GHR: variants seen among roughly 807,000 people sequenced by gnomAD.
GHR encodes the protein GH receptor.
A neutral mutation model predicts 67.1 loss-of-function variants in GHR; 35 were observed. The observed-to-expected ratio is 0.52, with a 90% confidence interval of 0.40 to 0.69. The LOEUF (loss-of-function observed/expected upper bound fraction) is 0.69. Ranked by LOEUF, GHR falls within the 30% of genes least tolerant of loss-of-function variation. The pLI is 0.00. For missense variants in GHR, 792 were observed against 764.6 expected, an observed-to-expected ratio of 1.04 and a Z score of -0.42; for synonymous variants, 272 against 269.1, an observed-to-expected ratio of 1.01 and a Z score of -0.10.
chr5:42,536,879 T>C (rs1389781198), intron 1 of GHR, among the ~76,000 whole-genome samples: 1 of 152,150 alleles, frequency 6.6e-6, no homozygotes, highest in African/African-American at 2.4e-5. Flanking sequence ...TTTTTCCTGA[T>C]TTAAGCTAGG....
At chr5:42,554,632 T>A (rs553215915) in intron 1 of GHR, among the ~76,000 whole-genome samples, 5 of 152,186 alleles carry the variant, frequency 3.3e-5, no homozygotes, top group African/African-American at 1.2e-4. Flanking sequence ...CAGAGCTTCA[T>A]GGTACAATGC....
chr5:42,530,610 C>G (rs976433139), intron 1 of GHR, among the ~76,000 whole-genome samples: 1 of 152,206 alleles, frequency 6.6e-6, no homozygotes, highest in Non-Finnish European at 1.5e-5. Context: ...ATACAAGTAA[C>G]AAGCTTAATT....
intron 2 of GHR, among the ~76,000 whole-genome samples, chr5:42,627,064 G>T (rs930120352): frequency 6.6e-6 from 1 of 151,952 alleles, no homozygotes; most frequent in Non-Finnish European, 1.5e-5. Context: ...ATCAAATTAC[G>T]ACTGTGTTTA....
At chr5:42,514,485 G>A (rs1484133829) in intron 1 of GHR, 2 of 178,544 alleles carry the variant, frequency 1.1e-5, no homozygotes, top group Non-Finnish European at 2.0e-5. Flanking sequence ...AAAAAAAAAA[G>A]AAGCTATTCA....
intron 1 of GHR, among the ~76,000 whole-genome samples, chr5:42,476,030 G>A (rs1013060651): frequency 4.7e-5 from 7 of 149,736 alleles, no homozygotes; most frequent in African/African-American, 9.9e-5. Context: ...TCAGCCTCCC[G>A]AGTAGCTGGA....
chr5:42,519,507 A>G (rs141705568), intron 1 of GHR, among the ~76,000 whole-genome samples: 189 of 152,290 alleles, frequency 1.2e-3, no homozygotes, highest in African/African-American at 4.1e-3. Flanking sequence ...AAAAGCTCTG[A>G]TGTAGTTTTA....
At chr5:42,624,008 C>T (rs751753534) in intron 2 of GHR, among the ~76,000 whole-genome samples, 3 of 152,124 alleles carry the variant, frequency 2.0e-5, no homozygotes, top group Non-Finnish European at 4.4e-5. Flanking sequence ...GCTAAGCCAG[C>T]GCAGTTTTGT....
chr5:42,485,612 C>T (rs993099103), intron 1 of GHR, among the ~76,000 whole-genome samples: 5 of 152,190 alleles, frequency 3.3e-5, no homozygotes, highest in East Asian at 1.9e-4. Flanking sequence ...CTTCTCTAGT[C>T]TTCTTAAGAA....
At chr5:42,451,257 G>C (rs1211559351) in intron 1 of GHR, among the ~76,000 whole-genome samples, 1 of 152,028 alleles carries the variant, frequency 6.6e-6, no homozygotes, top group Non-Finnish European at 1.5e-5. Flanking sequence ...TTATGTTACT[G>C]TCTATCTTGT....
chr5:42,514,109 T>A, intron 1 of GHR: 1 of 985,044 alleles, frequency 1.0e-6, no homozygotes, highest in Non-Finnish European at 1.2e-6. Context: ...TAACCAGAAC[T>A]GACCTTGAAG....
intron 3 of GHR, among the ~76,000 whole-genome samples, chr5:42,679,495 C>T (rs577704251): frequency 2.2e-4 from 34 of 151,916 alleles, no homozygotes; most frequent in African/African-American, 7.2e-4. Context: ...CACGGTGGCA[C>T]GCACCTGTAG....
At chr5:42,613,604 G>A (rs1752991171) in intron 2 of GHR, among the ~76,000 whole-genome samples, 1 of 152,062 alleles carries the variant, frequency 6.6e-6, no homozygotes, top group Non-Finnish European at 1.5e-5. Flanking sequence ...TCAGGGATTT[G>A]ACTTTGACAT....
chr5:42,529,004 T>C (rs1747832322), intron 1 of GHR, among the ~76,000 whole-genome samples: 1 of 144,276 alleles, frequency 6.9e-6, no homozygotes, highest in African/African-American at 2.6e-5. Flanking sequence ...CAACAGATTA[T>C]ACACGTAACT....
chr5:42,529,419 T>C (rs528866897), intron 1 of GHR, among the ~76,000 whole-genome samples: 1 of 152,316 alleles, frequency 6.6e-6, no homozygotes, highest in African/African-American at 2.4e-5. Context: ...ATCTTCAAGG[T>C]ATGTCTGTAT....
intron 1 of GHR, among the ~76,000 whole-genome samples, chr5:42,469,881 A>T (rs190195284): frequency 1.2e-3 from 184 of 152,196 alleles, no homozygotes; most frequent in African/African-American, 4.3e-3. Context: ...GTTCCTAGGG[A>T]CACTTAACGG....
intron 2 of GHR, among the ~76,000 whole-genome samples, chr5:42,621,597 C>G (rs546974750): frequency 7.2e-5 from 11 of 152,288 alleles, no homozygotes; most frequent in Admixed American, 7.2e-4. Flanking sequence ...CGCATTGATT[C>G]TTGCTGAACC....
chr5:42,680,842 C>A (rs1372395695), intron 3 of GHR, among the ~76,000 whole-genome samples: 1 of 75,336 alleles, frequency 1.3e-5, no homozygotes, highest in Non-Finnish European at 2.7e-5. Context: ...TAATGTCTTT[C>A]TATTATTATT....
intron 2 of GHR, among the ~76,000 whole-genome samples, chr5:42,619,313 C>T (rs945694738): frequency 6.6e-6 from 1 of 152,012 alleles, no homozygotes; most frequent in Non-Finnish European, 1.5e-5. Flanking sequence ...TCTCTCTACT[C>T]CTGCCACACA....
At chr5:42,486,324 T>C (rs1745876870) in intron 1 of GHR, among the ~76,000 whole-genome samples, 1 of 152,256 alleles carries the variant, frequency 6.6e-6, no homozygotes, top group African/African-American at 2.4e-5. Context: ...AGGACCTTGC[T>C]TCAACTTGGC....
Sources: gnomAD v4.1 joint callset for allele counts (sites outside exome capture counted in the v4.1 genomes callset) on GRCh38, gnomAD v4.1.1 for gene constraint, MANE v1.5 for transcripts, NCBI Gene and HGNC (gene_info 2026-07-23, HGNC 2026-07-21) for gene names.